Variants in ULK4 observed in about 807,000 individuals in gnomAD.
ULK4 encodes unc-51 like kinase 4.
A neutral mutation model predicts 160.6 loss-of-function variants in ULK4; 133 were observed. The observed-to-expected ratio is 0.83, with a 90% CI of 0.72 to 0.96. The LOEUF (loss-of-function observed/expected upper bound fraction) is 0.96, where lower values mean the gene tolerates loss of function less well. Ranked by LOEUF, ULK4 falls within the 40% of genes least tolerant of loss-of-function variation. The probability of loss-of-function intolerance (pLI) is 0.00; values close to 1 mark genes in which losing one functional copy is unlikely to be tolerated. For synonymous variants in ULK4, 534 were observed against 539.8 expected, an observed-to-expected ratio of 0.99 and a Z score of 0.15; for missense variants, 1,580 against 1,499.5, an observed-to-expected ratio of 1.05 and a Z score of -0.89.
chr3:41,342,544 C>G (rs886793273), intron 35 of ULK4, among the ~76,000 whole-genome samples: 1 of 152,012 alleles, frequency 6.6e-6, no homozygotes, highest in South Asian at 2.1e-4. Context: ...GCCTACCAAC[C>G]AAAAAAAGCC....
chr3:41,525,601 C>G (rs1157212566), intron 32 of ULK4, among the ~76,000 whole-genome samples: 1 of 152,240 alleles, frequency 6.6e-6, no homozygotes, highest in Non-Finnish European at 1.5e-5. Flanking sequence ...CGCTCCCTTA[C>G]TGTGCCTTGC....
At chr3:41,568,821 C>T (rs2087872751) in intron 31 of ULK4, among the ~76,000 whole-genome samples, 1 of 152,160 alleles carries the variant, frequency 6.6e-6, no homozygotes, top group Non-Finnish European at 1.5e-5. Flanking sequence ...CAGTATCAGA[C>T]CCCATAGGGC....
In ULK4 at chr3:41,731,192, C is replaced by T. The variant is rs1030829012; in HGVS notation, c.2322-13331G>A. 2.7e-5 allele frequency among the ~76,000 whole-genome samples: 4 copies of T among 147,410 alleles called. No homozygotes were observed. The East Asian group carries it at 8.9e-4, about 33-fold the overall frequency. ...GTAGGCAAGAGAAAGAAAGGGCATCCAAACTGGAAAAAAAAATAAGAAAAA... is the reference window on the plus strand; with the variant it reads ...GTAGGCAAGAGAAAGAAAGGGCATCTAAACTGGAAAAAAAAATAAGAAAAA... On this transcript the variant is annotated intron_variant, in intron 22 of 36. Transcript: ENST00000301831.
At chr3:41,260,538 T>C (rs981437519) in intron 35 of ULK4, among the ~76,000 whole-genome samples, 4 of 152,248 alleles carry the variant, frequency 2.6e-5, no homozygotes, top group African/African-American at 9.6e-5. Flanking sequence ...GGAAACTTTA[T>C]GTACCTTAGC....
chr3:41,663,400 C>A (rs1299621515), intron 30 of ULK4, among the ~76,000 whole-genome samples: 1 of 152,090 alleles, frequency 6.6e-6, no homozygotes, highest in Non-Finnish European at 1.5e-5. Flanking sequence ...CCACAGTATG[C>A]TGACTCTAAT....
chr3:41,416,473 T>C (rs1345708849), intron 34 of ULK4, among the ~76,000 whole-genome samples: 4 of 152,196 alleles, frequency 2.6e-5, no homozygotes, highest in Non-Finnish European at 5.9e-5. Context: ...AAGGCCTCTT[T>C]GAAGCATTTG....
intron 35 of ULK4, among the ~76,000 whole-genome samples, chr3:41,345,726 C>A (rs2125755578): frequency 6.6e-6 from 1 of 152,228 alleles, no homozygotes. Flanking sequence ...ACCACTATGG[C>A]ACACATTTAC....
chr3:41,820,182 T>C (rs1017110736), intron 18 of ULK4, among the ~76,000 whole-genome samples: 7 of 152,164 alleles, frequency 4.6e-5, no homozygotes, highest in Non-Finnish European at 1.0e-4. Flanking sequence ...TTACGGAACA[T>C]ACTCAAGATT....
At position 41,583,227 on chromosome 3, in the gene ULK4, A is replaced by G. The variant is rs116381315; in HGVS notation, c.3121-17097T>C. On this transcript the variant is annotated intron_variant, in intron 31 of 36. Transcript: ENST00000301831. Reference sequence around the variant, plus strand: ...ATAATGGAGCTTTAATGATGGAAATAGTAAGAAAATTAAATCTAATCATGT... The same window carrying G: ...ATAATGGAGCTTTAATGATGGAAATGGTAAGAAAATTAAATCTAATCATGT... 2.4e-3 allele frequency among the ~76,000 whole-genome samples: 367 copies of G among 152,342 alleles called. 2 individuals carry two copies. The highest frequency in any genetic ancestry group is 8.2e-3 in the African/African-American group (340 of 41,576).
At chr3:41,625,516 G>A (rs2033463780) in intron 30 of ULK4, among the ~76,000 whole-genome samples, 1 of 152,182 alleles carries the variant, frequency 6.6e-6, no homozygotes, top group African/African-American at 2.4e-5. Context: ...GTACTTTGGA[G>A]AGCAGCTCCG....
At chr3:41,333,573 C>T (rs1437343145) in intron 35 of ULK4, among the ~76,000 whole-genome samples, 1 of 152,130 alleles carries the variant, frequency 6.6e-6, no homozygotes, top group East Asian at 1.9e-4. Context: ...GCACATCTTA[C>T]CTAAGGGTAA....
At chr3:41,652,010 C>G (rs976007216) in intron 30 of ULK4, among the ~76,000 whole-genome samples, 2 of 152,124 alleles carry the variant, frequency 1.3e-5, no homozygotes. Context: ...AATAAGCAAG[C>G]CCCCAGCCTA....
At chr3:41,278,921 C>T (rs914228629) in intron 35 of ULK4, among the ~76,000 whole-genome samples, 24 of 151,958 alleles carry the variant, frequency 1.6e-4, no homozygotes, top group Admixed American at 6.5e-4. Context: ...ATGCCGGCAG[C>T]GGAAAAAAAC....
chr3:41,352,555 C>T (rs1231228126), intron 35 of ULK4, among the ~76,000 whole-genome samples: 1 of 152,200 alleles, frequency 6.6e-6, no homozygotes, highest in African/African-American at 2.4e-5. Flanking sequence ...ACTGCAATAT[C>T]TCTTTCAGTT....
At chr3:41,750,003 G>T (rs1412337888) in intron 22 of ULK4, among the ~76,000 whole-genome samples, 1 of 152,190 alleles carries the variant, frequency 6.6e-6, no homozygotes, top group African/African-American at 2.4e-5. Flanking sequence ...GAGGATGTCA[G>T]TCCAAAGACT....
At chr3:41,581,599 ATTTC>A (rs2030346875) in intron 31 of ULK4, among the ~76,000 whole-genome samples, 1 of 152,206 alleles carries the variant, frequency 6.6e-6, no homozygotes, top group Admixed American at 6.5e-5. Context: ...ATTGAATGTC[ATTTC>A]TTTGACAATC....
chr3:41,908,857 C>T (rs1168939680), intron 11 of ULK4, among the ~76,000 whole-genome samples: 1 of 152,058 alleles, frequency 6.6e-6, no homozygotes, highest in Non-Finnish European at 1.5e-5. Context: ...CTTTGGGAGG[C>T]CGAGGTGGTC....
At chr3:41,500,786 C>T (rs2085175785) in intron 32 of ULK4, among the ~76,000 whole-genome samples, 1 of 152,142 alleles carries the variant, frequency 6.6e-6, no homozygotes, top group Non-Finnish European at 1.5e-5. Context: ...AGTATAGGCT[C>T]ATGCCGGTCA....
intron 21 of ULK4, among the ~76,000 whole-genome samples, chr3:41,770,621 C>T (rs576095543): frequency 5.5e-4 from 84 of 151,986 alleles, no homozygotes; most frequent in African/African-American, 2.0e-3. Flanking sequence ...AGTGATCCTC[C>T]TGCCTCACCC....
Sources: allele counts gnomAD v4.1 joint callset (sites outside exome capture counted in the v4.1 genomes callset), GRCh38; gene constraint gnomAD v4.1.1; transcripts MANE v1.5; gene names NCBI Gene and HGNC (gene_info 2026-07-23, HGNC 2026-07-21).